The following ZC3H12B variants were observed in gnomAD, a reference collection of about 807,000 sequenced individuals.
ZC3H12B encodes the protein probable ribonuclease ZC3H12B.
Under a neutral mutation model 43.9 loss-of-function variants are expected in ZC3H12B, and 7 were observed. The observed-to-expected ratio is 0.16, with a 90% CI of 0.09 to 0.30. ZC3H12B has a LOEUF of 0.30. ZC3H12B is among the 10% of genes least tolerant of loss of function. The pLI is 1.00. For synonymous variants in ZC3H12B, 222 were observed against 241.7 expected, an observed-to-expected ratio of 0.92 and a Z score of 0.76; for missense variants, 475 against 670.2, an observed-to-expected ratio of 0.71 and a Z score of 3.22.
At chrX:65,244,565 G>C in the ZC3H12B span, among the ~76,000 whole-genome samples, 4 of 107,829 alleles carry the variant, frequency 3.7e-5, no homozygotes, top group Admixed American at 2.0e-4. Flanking sequence ...GGTAACATAG[G>C]TTCTGTTTGT....
At chrX:65,343,161 G>T in the ZC3H12B span, among the ~76,000 whole-genome samples, 3 of 111,126 alleles carry the variant, frequency 2.7e-5, no homozygotes, top group Admixed American at 9.6e-5. Flanking sequence ...TTCTGAAGTT[G>T]GTTCAGTAAT....
At chrX:65,301,990 AC>A in the ZC3H12B span, among the ~76,000 whole-genome samples, 1 of 111,361 alleles carries the variant, frequency 9.0e-6, no homozygotes, top group Non-Finnish European at 1.9e-5. Context: ...AAAAAAAAAA[AC>A]TTTTTAGCAA....
chrX:65,370,809 C>A (rs1317373243), intron 2 of ZC3H12B, among the ~76,000 whole-genome samples: 1 of 111,947 alleles, frequency 8.9e-6, no homozygotes, highest in Non-Finnish European at 1.9e-5. Context: ...TGGCTCAAAG[C>A]AGTGAATGAA....
At chrX:65,223,651 G>T in the ZC3H12B span, among the ~76,000 whole-genome samples, 3 of 112,142 alleles carry the variant, frequency 2.7e-5, no homozygotes, top group Non-Finnish European at 5.6e-5. Context: ...ATCAAAAAGT[G>T]GGCTAAAGAC....
At chrX:65,453,154 G>A (rs1378408045) in intron 3 of ZC3H12B, among the ~76,000 whole-genome samples, 3 of 106,689 alleles carry the variant, frequency 2.8e-5, no homozygotes, top group Non-Finnish European at 5.8e-5. Flanking sequence ...ATAAAAATAG[G>A]CACATAGACC....
At chrX:65,192,919 G>T in the ZC3H12B span, among the ~76,000 whole-genome samples, 1 of 110,265 alleles carries the variant, frequency 9.1e-6, no homozygotes, top group Non-Finnish European at 1.9e-5. Flanking sequence ...GACTACAGGT[G>T]CGTGCCACCA....
chrX:65,174,546 C>A, the ZC3H12B span, among the ~76,000 whole-genome samples: 187 of 111,771 alleles, frequency 1.7e-3, 1 homozygote, highest in African/African-American at 5.8e-3. Flanking sequence ...CTGTCAGGGG[C>A]TGCTGCCTTT....
chrX:65,386,129 G>T (rs1602357493), intron 2 of ZC3H12B, among the ~76,000 whole-genome samples: 1 of 111,982 alleles, frequency 8.9e-6, no homozygotes, highest in Non-Finnish European at 1.9e-5. Context: ...GTCTCTGCCA[G>T]ACTTTGGTAA....
intron 3 of ZC3H12B, among the ~76,000 whole-genome samples, chrX:65,423,206 C>T (rs757234806): frequency 3.6e-5 from 4 of 111,553 alleles, no homozygotes; most frequent in African/African-American, 1.3e-4. Flanking sequence ...GCTGGGATTA[C>T]AGGCATGAGC....
At chrX:65,163,793 G>T in the ZC3H12B span, among the ~76,000 whole-genome samples, 1 of 111,481 alleles carries the variant, frequency 9.0e-6, no homozygotes, top group Non-Finnish European at 1.9e-5. Flanking sequence ...TGCACCCACT[G>T]TCTGGCACTC....
At chrX:65,257,637 G>T in the ZC3H12B span, among the ~76,000 whole-genome samples, 1 of 110,032 alleles carries the variant, frequency 9.1e-6, no homozygotes, top group Non-Finnish European at 1.9e-5. Flanking sequence ...AAAATAGACT[G>T]CCAGATAGAC....
the ZC3H12B span, among the ~76,000 whole-genome samples, chrX:65,163,480 A>C: frequency 9.1e-6 from 1 of 110,206 alleles, no homozygotes; most frequent in Admixed American, 9.7e-5. Context: ...AATGACATGC[A>C]CCCCTCCCCC....
chrX:65,383,730 C>T (rs745545555), intron 2 of ZC3H12B, among the ~76,000 whole-genome samples: 1 of 111,246 alleles, frequency 9.0e-6, no homozygotes, highest in South Asian at 3.8e-4. Context: ...TATCCAGAAT[C>T]TACAATGAAC....
At chrX:65,156,592 G>A in the ZC3H12B span, among the ~76,000 whole-genome samples, 3 of 111,114 alleles carry the variant, frequency 2.7e-5, no homozygotes, top group African/African-American at 9.8e-5. Flanking sequence ...TGTTGGCCAG[G>A]CTTGACTTGA....
At chrX:65,233,892 A>G in the ZC3H12B span, among the ~76,000 whole-genome samples, 1 of 111,769 alleles carries the variant, frequency 8.9e-6, no homozygotes, top group African/African-American at 3.2e-5. Flanking sequence ...AAGAGACATT[A>G]CAGCGGATAC....
the ZC3H12B span, among the ~76,000 whole-genome samples, chrX:65,196,621 T>G: frequency 1.3e-4 from 14 of 111,349 alleles, no homozygotes; most frequent in African/African-American, 4.6e-4. Flanking sequence ...GGGAGAAATC[T>G]TAAACAACAT....
chrX:65,374,228 A>G (rs1301253691), intron 2 of ZC3H12B, among the ~76,000 whole-genome samples: 1 of 84,152 alleles, frequency 1.2e-5, no homozygotes, highest in Non-Finnish European at 2.2e-5. Context: ...TGTACTCTAT[A>G]GTATAGTAAT....
chrX:65,289,157 C>T, the ZC3H12B span, among the ~76,000 whole-genome samples: 1 of 110,769 alleles, frequency 9.0e-6, no homozygotes, highest in African/African-American at 3.3e-5. Context: ...ATTAAAGTGA[C>T]CATATTGCCC....
the ZC3H12B span, among the ~76,000 whole-genome samples, chrX:65,124,629 T>C: frequency 1.8e-5 from 2 of 110,749 alleles, no homozygotes; most frequent in East Asian, 5.7e-4. Flanking sequence ...CTTTTTTTTC[T>C]TGGCAATTTT....
Sources: gnomAD v4.1 joint callset for allele counts (sites outside exome capture counted in the v4.1 genomes callset) on GRCh38, gnomAD v4.1.1 for gene constraint, MANE v1.5 for transcripts, NCBI Gene and HGNC (gene_info 2026-07-23, HGNC 2026-07-21) for gene names.